The following SYCP1 variants were observed in gnomAD, a reference collection of about 807,000 sequenced individuals.
SYCP1 encodes cancer/testis antigen 8.
A neutral mutation model predicts 153.1 loss-of-function variants in SYCP1; 64 were observed. That is an observed-to-expected ratio of 0.42 (90% CI 0.34 to 0.51). The LOEUF (loss-of-function observed/expected upper bound fraction) is 0.51, where lower values mean the gene tolerates loss of function less well. Among genes scored for constraint, SYCP1 ranks in the 20% least tolerant of loss-of-function variants. The pLI, the probability that SYCP1 is intolerant of heterozygous loss-of-function variation, is 0.06. For synonymous variants in SYCP1, 384 were observed against 341.8 expected, an observed-to-expected ratio of 1.12 and a Z score of -1.36; for missense variants, 997 against 1,049.0, an observed-to-expected ratio of 0.95 and a Z score of 0.68.
At chr1:114,923,283 A>T (rs1336642495) in intron 20 of SYCP1, among the ~76,000 whole-genome samples, 166 bp from the exon 21 acceptor site, 1 of 152,142 alleles carries the variant, frequency 6.6e-6, no homozygotes, top group African/African-American at 2.4e-5. Flanking sequence ...TGAATTCCAC[A>T]TATTTGGGGG....
Position 114,944,967 on chromosome 1 carries a change from T to C in SYCP1, c.2139T>C (p.Leu713=), listed in dbSNP as rs1670613582. The stretch of plus-strand genomic sequence containing the variant: ...ATAAAATAGCTGAAATGGTAGCACT[T>C]ATGGAAAAACATAAGGTAATTTTTT... ...CQHKIAEMVA[L]MEKHKHQYDK... Residue 713 remains leucine (L), a synonymous_variant, in exon 25 of 32, where the codon CTT becomes CTC. Transcript: ENST00000369522. The C allele has an allele frequency of 6.3e-7, 1 of 1,584,274 alleles. No homozygotes were observed. The highest frequency in any genetic ancestry group is 8.5e-7 in the Non-Finnish European group (1 of 1,170,092).
intron 12 of SYCP1, among the ~76,000 whole-genome samples, chr1:114,880,722 T>C (rs1665864645): frequency 6.6e-6 from 1 of 152,172 alleles, no homozygotes; most frequent in Admixed American, 6.5e-5. Flanking sequence ...CAGTTGTACT[T>C]TATCAGTTCA....
chr1:114,978,279 T>C (rs1214643019), intron 28 of SYCP1, among the ~76,000 whole-genome samples: 1 of 151,584 alleles, frequency 6.6e-6, no homozygotes, highest in African/African-American at 2.4e-5. Flanking sequence ...CTTGTAAAAC[T>C]TAGGGTATAA....
At chr1:114,872,855 A>T (rs766897228) in intron 8 of SYCP1, among the ~76,000 whole-genome samples, 1 of 151,860 alleles carries the variant, frequency 6.6e-6, no homozygotes, top group Non-Finnish European at 1.5e-5. Flanking sequence ...GCGTCTTTCT[A>T]TGTTGTCTAG....
chr1:114,881,501 A>ATCCTTCCTTTCTTCCTTCCTTCCT (rs1665926496), intron 12 of SYCP1, among the ~76,000 whole-genome samples: 2 of 102,624 alleles, frequency 1.9e-5, no homozygotes, highest in African/African-American at 6.1e-5. Context: ...GGAAGGTATT[A>ATCCTTCCTTTCTTCCTTCCTTCCT]TCCTTCCTTC....
intron 27 of SYCP1, among the ~76,000 whole-genome samples, chr1:114,973,003 G>C (rs1237333038): frequency 6.6e-6 from 1 of 152,062 alleles, no homozygotes; most frequent in Non-Finnish European, 1.5e-5. Context: ...GCTCAGTGTA[G>C]AGCCCTGGGG....
At chr1:114,884,220 G>A (rs1666148045) in intron 12 of SYCP1, among the ~76,000 whole-genome samples, 1 of 152,088 alleles carries the variant, frequency 6.6e-6, no homozygotes. Flanking sequence ...CATATCTCCT[G>A]TGACTTATTC....
chr1:114,857,182 A>G (rs1557747365), intron 3 of SYCP1, 50 bp from the exon 4 acceptor site: 6 of 1,383,256 alleles, frequency 4.3e-6, no homozygotes. Flanking sequence ...AAAAAAAGAA[A>G]GAGAAAAAGA....
rs1674180679 is a variant in SYCP1 at position 114,994,957 on chromosome 1, G to T, written c.2869G>T (p.Ala957Ser). ...AAGAAAAATGCGGGAGGACCGTTGG[G>T]CTGTAATTGCTAAAATGGATAGAAA... ...AIRKMREDRW[A>S]VIAKMDRKKK... Residue 957 changes from alanine to serine, a missense_variant, in exon 32 of 32, where the codon GCT becomes TCT. By Grantham distance (99) the Ala-to-Ser change is moderately conservative (BLOSUM62 1). Around this residue, in one of 2 missense-constraint regions of SYCP1, gnomAD observed 712 missense variants for 682.9 expected, o/e 1.04. Transcript: ENST00000369522. 1 of 1,608,424 alleles carries T rather than the reference G, an allele frequency of 6.2e-7. No homozygotes were observed. The highest frequency in any genetic ancestry group is 8.5e-7 in the Non-Finnish European group (1 of 1,176,934).
intron 8 of SYCP1, among the ~76,000 whole-genome samples, chr1:114,874,011 C>T (rs754867675): frequency 3.3e-5 from 5 of 152,140 alleles, no homozygotes; most frequent in Non-Finnish European, 5.9e-5. Flanking sequence ...GGATTACAGG[C>T]GTGAGCCACC....
intron 27 of SYCP1, among the ~76,000 whole-genome samples, chr1:114,965,176 A>G (rs967086439): frequency 1.3e-5 from 2 of 152,172 alleles, no homozygotes; most frequent in Non-Finnish European, 2.9e-5. Context: ...TTATTGGTGT[A>G]TAAGAATGCT....
chr1:114,937,276 C>T (rs895920576), intron 23 of SYCP1, among the ~76,000 whole-genome samples: 1 of 151,992 alleles, frequency 6.6e-6, no homozygotes, highest in African/African-American at 2.4e-5. Context: ...ACAAACCTGA[C>T]AAAAACAAGA....
chr1:114,927,857 C>G (rs59155353), intron 23 of SYCP1, among the ~76,000 whole-genome samples: 1 of 152,100 alleles, frequency 6.6e-6, no homozygotes. Flanking sequence ...CTCACTCTGG[C>G]ACCAAGGCTG....
chr1:114,913,223 G>A, intron 19 of SYCP1, 73 bp downstream of exon 19: 1 of 1,172,090 alleles, frequency 8.5e-7, no homozygotes, highest in Non-Finnish European at 1.2e-6. Flanking sequence ...GACCTCTAAA[G>A]ACCCTTTGAC....
At chr1:114,876,686 T>C in intron 10 of SYCP1, 51 bp from the exon 11 acceptor site, 1 of 952,784 alleles carries the variant, frequency 1.0e-6, no homozygotes, top group East Asian at 3.4e-5. Flanking sequence ...GTAATAGAAA[T>C]GTTATAAAAT....
chr1:114,994,770 G>C lies in SYCP1; in HGVS notation c.2776G>C (p.Val926Leu). The change falls in exon 31 of 32, where the codon GTC becomes CTC. Residue 926 changes from valine (V) to leucine (L), a missense_variant. Val to Leu is a conservative substitution (Grantham distance 32). Transcript: ENST00000369522. The stretch of plus-strand genomic sequence containing the variant: ...TAATCCACCAGCTTCTCATCTTTGT[G>C]TCAAAACACCAAAAAAGGTAGCTTT... ...NNNPPASHLCVKTPKKAPSSL... is the reference protein window; with the variant it reads ...NNNPPASHLCLKTPKKAPSSL... The C allele has an allele frequency of 6.3e-7, 1 of 1,591,386 alleles. No homozygotes were observed. Among genetic ancestry groups the C allele is most frequent in the Non-Finnish European group, 8.5e-7 (1 of 1,172,796 alleles).
chr1:114,860,873 A>G, intron 8 of SYCP1, 64 bp downstream of exon 8: 1 of 1,248,930 alleles, frequency 8.0e-7, no homozygotes, highest in African/African-American at 1.5e-5. Context: ...GTGGAGAGGG[A>G]AAGAAATTGT....
chr1:114,887,714 T>C, intron 15 of SYCP1, 21 bp downstream of exon 15: 2 of 1,415,896 alleles, frequency 1.4e-6, no homozygotes, highest in South Asian at 1.6e-5. Context: ...GAGAATAATG[T>C]GTGTACTTTA....
intron 23 of SYCP1, among the ~76,000 whole-genome samples, chr1:114,929,245 A>G (rs1297389104): frequency 1.3e-5 from 2 of 152,190 alleles, no homozygotes; most frequent in Non-Finnish European, 2.9e-5. Flanking sequence ...ATTGAAATGA[A>G]GTGGAATATG....
Sources: gnomAD v4.1 joint callset for allele counts (sites outside exome capture counted in the v4.1 genomes callset) on GRCh38, gnomAD v4.1.1 for gene constraint, gnomAD v4.1.1 regional missense constraint, MANE v1.5 for transcripts, NCBI Gene and HGNC (gene_info 2026-07-23, HGNC 2026-07-21) for gene names.